UGT1A3: variants seen among roughly 807,000 people sequenced by gnomAD.
UGT1A3 encodes the protein UDP-glucuronosyltransferase 1A3.
Under a neutral mutation model 41.0 loss-of-function variants are expected in UGT1A3, and 31 were observed. The ratio of observed to expected loss-of-function variants is 0.76; its 90% CI spans 0.57 to 1.02. The LOEUF is 1.02. Ranked by LOEUF, UGT1A3 falls within the 50% of genes least tolerant of loss-of-function variation. UGT1A3 has a pLI of 0.00. For missense variants in UGT1A3, 737 were observed against 671.0 expected, an observed-to-expected ratio of 1.10 and a Z score of -1.09; for synonymous variants, 262 against 257.6, an observed-to-expected ratio of 1.02 and a Z score of -0.17.
chr2:233,730,068 G>T (rs1197768852), intron 1 of UGT1A3, 75 bp downstream of exon 1: 3 of 1,610,044 alleles, frequency 1.9e-6, no homozygotes, highest in African/African-American at 1.3e-5. Flanking sequence ...ATTTAAAATT[G>T]CTTCCATATT....
chr2:233,772,238 T>C (rs765306920), intron 4 of UGT1A3, 24 bp from the exon 5 acceptor site: 1 of 1,613,980 alleles, frequency 6.2e-7, no homozygotes, highest in African/African-American at 1.3e-5. Context: ...GTTCCAGGCA[T>C]AACGAAACTG....
At chr2:233,755,074 C>A in intron 1 of UGT1A3, 1 of 1,336,598 alleles carries the variant, frequency 7.5e-7, no homozygotes, top group Non-Finnish European at 1.0e-6. Flanking sequence ...CCATAGCGGT[C>A]ATAGATATCG....
chr2:233,755,783 C>G (rs142854795), intron 1 of UGT1A3: 1,687 of 152,656 alleles, frequency 0.011, 25 homozygotes, highest in Non-Finnish European at 0.017. Flanking sequence ...TTATGCCTAT[C>G]ATATGTACTG....
chr2:233,736,282 T>A lies in UGT1A3; in HGVS notation c.867+6289T>A, dbSNP rs1290263740. ...ATTTGATCTTCAGTCACTGATACCC[T>A]TTCTTCCAGTTGCTCTAATCAGCTA... On this transcript the variant is annotated intron_variant, in intron 1 of 4. Coordinates refer to ENST00000482026, the MANE Select transcript of UGT1A3 (RefSeq NM_019093.4). Among the ~76,000 whole-genome samples the A allele has an allele frequency of 2.6e-5, 4 of 152,226 alleles. No individual in the cohort carries two copies. The East Asian group carries it at 7.7e-4, about 29-fold the overall frequency.
intron 4 of UGT1A3, chr2:233,771,409 C>G (rs1252416049): frequency 6.6e-6 from 1 of 152,166 alleles, no homozygotes; most frequent in Non-Finnish European, 1.5e-5. Flanking sequence ...TGAACACTGT[C>G]CAGAATAAAC....
At chr2:233,764,092 C>T (rs973147823) in intron 1 of UGT1A3, among the ~76,000 whole-genome samples, 2 of 152,148 alleles carry the variant, frequency 1.3e-5, no homozygotes, top group African/African-American at 4.8e-5. Context: ...AAAGCCTAAA[C>T]TAAAAATACA....
chr2:233,755,054 C>T (rs748506326), intron 1 of UGT1A3: 2 of 1,332,588 alleles, frequency 1.5e-6, no homozygotes, highest in Admixed American at 3.8e-5. Context: ...CGCCCTCCGC[C>T]CTCGCCTCGC....
intron 1 of UGT1A3, among the ~76,000 whole-genome samples, chr2:233,757,567 T>TATATATATATATATATATA (rs1553619947): frequency 7.0e-6 from 1 of 142,920 alleles, no homozygotes; most frequent in Non-Finnish European, 1.5e-5. Flanking sequence ...TATATGTATA[T>TATATATATATATATATATA]ATGATATAGC....
chr2:233,765,074 T>C (rs1191317330), intron 1 of UGT1A3, among the ~76,000 whole-genome samples: 1 of 152,100 alleles, frequency 6.6e-6, no homozygotes, highest in African/African-American at 2.4e-5. Context: ...GTCTCCTGTG[T>C]CTCACATCTA....
At chr2:233,730,473 C>T (rs1012603500) in intron 1 of UGT1A3, among the ~76,000 whole-genome samples, 5 of 152,168 alleles carry the variant, frequency 3.3e-5, no homozygotes, top group African/African-American at 4.8e-5. Flanking sequence ...GAGACCTAGG[C>T]ACTCACATGA....
Position 233,729,685 on chromosome 2 carries a change from T to C in UGT1A3, c.559T>C (p.Cys187Arg), listed in dbSNP as rs1293517562. 6.2e-7 allele frequency: 1 copy of C among 1,613,978 alleles called. No individual in the cohort carries two copies. Among genetic ancestry groups the C allele is most frequent in the Admixed American group, 1.7e-5 (1 of 60,016 alleles). ...PCDLDFKGTQCPNPSSYIPRL... is the reference protein window; with the variant it reads ...PCDLDFKGTQRPNPSSYIPRL... ...TGATTTAGACTTTAAGGGCACACAGTGTCCAAACCCTTCCTCCTATATTCC... is the reference window on the plus strand; with the variant it reads ...TGATTTAGACTTTAAGGGCACACAGCGTCCAAACCCTTCCTCCTATATTCC... The change falls in exon 1 of 5, where the codon TGT (cysteine) becomes CGT (arginine). Residue 187 changes from cysteine to arginine, a missense_variant. Physicochemically the swap from Cys to Arg is radical, Grantham distance 180. Coordinates refer to ENST00000482026, the MANE Select transcript of UGT1A3 (RefSeq NM_019093.4).
In UGT1A3 at chr2:233,760,364, ATGCTGGGAAGATAC is replaced by A. The variant is rs775463336; in HGVS notation, c.868-6667_868-6654del. 13 of 1,614,036 alleles carry A rather than the reference ATGCTGGGAAGATAC, an allele frequency of 8.1e-6. No homozygotes were observed. In the African/African-American group the frequency reaches 1.6e-4, roughly 20 times the overall value. On this transcript the variant is annotated intron_variant, in intron 1 of 4. Coordinates refer to ENST00000482026, the MANE Select transcript of UGT1A3 (RefSeq NM_019093.4). ...TGTGTGCTGGGCCCAGTGGTGTCCC[ATGCTGGGAAGATAC>A]TGTTGATCCCAGTGGATGGCAGCCA... is the stretch of plus-strand genomic sequence containing the variant.
intron 1 of UGT1A3, among the ~76,000 whole-genome samples, chr2:233,738,283 A>G (rs1177396834): frequency 6.6e-6 from 1 of 152,176 alleles, no homozygotes; most frequent in African/African-American, 2.4e-5. Context: ...TTTATAAATT[A>G]CCCAGTCTTG....
intron 4 of UGT1A3, 105 bp downstream of exon 4, chr2:233,768,544 T>TA: frequency 7.0e-7 from 1 of 1,425,890 alleles, no homozygotes; most frequent in East Asian, 2.6e-5. Flanking sequence ...GTTTCAAATA[T>TA]AAAAACAAAT....
chr2:233,750,666 G>A (rs931346002), intron 1 of UGT1A3: 3 of 149,178 alleles, frequency 2.0e-5, no homozygotes, highest in Non-Finnish European at 2.9e-5. Flanking sequence ...GGTGCCCTGT[G>A]TCCCAGTGGC....
At chr2:233,731,679 T>G (rs2078190648) in intron 1 of UGT1A3, among the ~76,000 whole-genome samples, 1 of 152,262 alleles carries the variant, frequency 6.6e-6, no homozygotes, top group East Asian at 1.9e-4. Flanking sequence ...TAATCCAGTC[T>G]ATCATTGATG....
rs769537040 is a variant in UGT1A3 at position 233,729,672 on chromosome 2, TAAGG to T, written c.547_550del (p.Lys183AlafsTer15). The stretch of plus-strand genomic sequence containing the variant: ...GGAACATTCCATGTGATTTAGACTT[TAAGG>T]GCACACAGTGTCCAAACCCTTCCTC... On this transcript the variant is annotated frameshift_variant, in exon 1 of 5. Transcript: ENST00000482026. LOFTEE classifies it high-confidence loss of function. 6.2e-7 allele frequency: 1 copy of T among 1,613,976 alleles called. No individual in the cohort carries two copies. Among genetic ancestry groups the T allele is most frequent in the Non-Finnish European group, 8.5e-7 (1 of 1,179,878 alleles).
intron 1 of UGT1A3, chr2:233,761,022 G>A (rs749651784): frequency 1.2e-6 from 2 of 1,614,120 alleles, no homozygotes; most frequent in Non-Finnish European, 1.7e-6. Context: ...TGACTGTCCA[G>A]GACCTATTGA....
chr2:233,745,152 G>T (rs1403503351), intron 1 of UGT1A3, among the ~76,000 whole-genome samples: 1 of 151,720 alleles, frequency 6.6e-6, no homozygotes, highest in Non-Finnish European at 1.5e-5. Flanking sequence ...GTATATGGAG[G>T]GTCAAATGTG....
Sources: allele counts gnomAD v4.1 joint callset (sites outside exome capture counted in the v4.1 genomes callset), GRCh38; gene constraint gnomAD v4.1.1; transcripts MANE v1.5; gene names NCBI Gene and HGNC (gene_info 2026-07-23, HGNC 2026-07-21).